The following STON2 variants were observed in gnomAD, a reference collection of about 807,000 sequenced individuals.
STON2 encodes the protein stonin-2.
A neutral mutation model predicts 65.7 loss-of-function variants in STON2; 29 were observed. The observed-to-expected ratio is 0.44, with a 90% CI of 0.33 to 0.60. The LOEUF is 0.60. Ranked by LOEUF, STON2 falls within the 20% of genes least tolerant of loss-of-function variation. STON2 has a pLI of 0.03. For missense variants in STON2, 1,054 were observed against 1,118.1 expected (o/e 0.94, Z 0.82); for synonymous variants, 404 against 414.2 (o/e 0.98, Z 0.30).
intron 2 of STON2, among the ~76,000 whole-genome samples, chr14:81,408,640 A>T (rs1225720793): frequency 6.6e-6 from 1 of 152,228 alleles, no homozygotes; most frequent in Non-Finnish European, 1.5e-5. Flanking sequence ...GGTTATAATT[A>T]CAAAATACTC....
In STON2 at chr14:81,266,967, T is replaced by G; in HGVS notation, c.*1447A>C. The stretch of plus-strand genomic sequence containing the variant: ...TTAGTTCAGATATTTCAAAATACTG[T>G]AACTATTTCTATATCCCAGTGTCAA... On this transcript the variant is annotated 3_prime_UTR_variant, in exon 8 of 8. Coordinates refer to ENST00000614646, the MANE Select transcript of STON2 (RefSeq NM_001394390.1). The G allele has an allele frequency of 1.0e-6, 1 of 984,916 alleles. No homozygotes were observed. The highest frequency in any genetic ancestry group is 1.7e-5 in the African/African-American group (1 of 57,346). The allele number at this position is 984,916 out of a possible 1,614,324, so 61.0% of individuals were successfully genotyped here.
chr14:81,324,065 T>C lies in STON2; in HGVS notation c.694A>G (p.Arg232Gly), dbSNP rs1488872103. 1.3e-5 allele frequency among the ~76,000 whole-genome samples: 2 copies of C among 152,218 alleles called. No homozygotes were observed. Among genetic ancestry groups the C allele is most frequent in the Non-Finnish European group, 2.9e-5 (2 of 68,032 alleles). Residue 232 changes from arginine (R) to glycine (G), a missense_variant, in exon 5 of 8, where the codon AGG (arginine) becomes GGG (glycine). Coordinates refer to ENST00000614646, the MANE Select transcript of STON2 (RefSeq NM_001394390.1). ...GGACCCTCGCCGGGGTTCTGGCTCC[T>C]CTTGGGCTGGGGTGAGGGTGGCGAG... ...DPSPPSPQPK[R>G]SQNPGEGPEG...
At chr14:81,380,541 T>C (rs938467555) in intron 3 of STON2, among the ~76,000 whole-genome samples, 1 of 152,298 alleles carries the variant, frequency 6.6e-6, no homozygotes, top group South Asian at 2.1e-4. Context: ...CTTGCAGCAC[T>C]ATTCACAATA....
At chr14:81,422,772 G>A (rs890394876) in intron 2 of STON2, among the ~76,000 whole-genome samples, 9 of 152,168 alleles carry the variant, frequency 5.9e-5, no homozygotes, top group African/African-American at 1.9e-4. Context: ...GGTGGCTCAC[G>A]CCTGTAATCG....
intron 2 of STON2, among the ~76,000 whole-genome samples, chr14:81,405,434 T>C (rs919910934): frequency 6.7e-6 from 1 of 149,426 alleles, no homozygotes. Context: ...ATCCAACCTC[T>C]AGACCATTTG....
chr14:81,322,462 C>T (rs960316073), intron 5 of STON2, among the ~76,000 whole-genome samples: 6 of 152,132 alleles, frequency 3.9e-5, no homozygotes, highest in African/African-American at 1.2e-4. Context: ...AAATAAGTGG[C>T]ATTCTTGGAT....
intron 5 of STON2, among the ~76,000 whole-genome samples, chr14:81,306,212 T>C (rs375467148): frequency 7.6e-6 from 1 of 131,768 alleles, no homozygotes; most frequent in African/African-American, 2.8e-5. Flanking sequence ...TACACACACA[T>C]ACATACTCTT....
At chr14:81,401,092 GA>G (rs1422758377), upstream of STON2, among the ~76,000 whole-genome samples, 1 of 152,188 alleles carries the variant, frequency 6.6e-6, no homozygotes, top group Admixed American at 6.5e-5. Flanking sequence ...CTTGTTCGTA[GA>G]AGTCTTGGGA....
At chr14:81,357,443 C>T (rs920550929) in intron 4 of STON2, among the ~76,000 whole-genome samples, 3 of 151,652 alleles carry the variant, frequency 2.0e-5, no homozygotes, top group Non-Finnish European at 4.4e-5. Flanking sequence ...CACTTTTACA[C>T]TGTTGGTGGG....
At chr14:81,387,950 T>G (rs1294888807) in intron 3 of STON2, among the ~76,000 whole-genome samples, 2 of 80,106 alleles carry the variant, frequency 2.5e-5, no homozygotes, top group Non-Finnish European at 4.2e-5. Context: ...ATTTCTTTTC[T>G]TTTTTTTTTT....
chr14:81,356,666 A>G (rs1898248103), intron 4 of STON2, among the ~76,000 whole-genome samples: 1 of 152,112 alleles, frequency 6.6e-6, no homozygotes, highest in South Asian at 2.1e-4. Context: ...TAAGCTATTG[A>G]TTATTGCCAC....
At position 81,264,662 on chromosome 14, in the gene STON2, A is replaced by G; in HGVS notation, c.*3752T>C. 1.0e-6 allele frequency: 1 copy of G among 985,104 alleles called. No individual in the cohort carries two copies. The highest frequency in any genetic ancestry group is 1.2e-6 in the Non-Finnish European group (1 of 829,592). 61.0% of individuals were successfully genotyped at this position (985,104 alleles called of 1,614,324 possible). ...AAATCAGTCTCATTTCAAATAAAAA[A>G]TATTTTAAATCAAACAATGTTCTCA... On this transcript the variant is annotated 3_prime_UTR_variant, in exon 8 of 8. Transcript: ENST00000614646.
intron 5 of STON2, among the ~76,000 whole-genome samples, chr14:81,279,413 G>C (rs964724374): frequency 6.6e-6 from 1 of 152,058 alleles, no homozygotes; most frequent in Non-Finnish European, 1.5e-5. Context: ...AAAAATGGCC[G>C]GGCACAGTGG....
chr14:81,310,861 C>G (rs924258205), intron 5 of STON2, among the ~76,000 whole-genome samples: 4 of 152,124 alleles, frequency 2.6e-5, no homozygotes, highest in African/African-American at 9.7e-5. Context: ...GATATTTGAC[C>G]TTTGACTTTT....
At chr14:81,367,723 G>C (rs899149999) in intron 4 of STON2, among the ~76,000 whole-genome samples, 5 of 152,162 alleles carry the variant, frequency 3.3e-5, no homozygotes, top group African/African-American at 1.2e-4. Flanking sequence ...ATGGCCTGCG[G>C]AGCTGCTCTC....
intron 1 of STON2, among the ~76,000 whole-genome samples, chr14:81,398,782 C>T (rs1900460357): frequency 6.6e-6 from 1 of 152,222 alleles, no homozygotes; most frequent in East Asian, 1.9e-4. Context: ...CTAGATAAGC[C>T]TTCATATCAC....
At chr14:81,324,514 G>A (rs770268292) in intron 4 of STON2, among the ~76,000 whole-genome samples, 22 of 152,254 alleles carry the variant, frequency 1.4e-4, no homozygotes, top group Non-Finnish European at 2.4e-4. Flanking sequence ...CCGAGTTAGA[G>A]TGTTAACACT....
chr14:81,379,497 T>C (rs2140390395), intron 3 of STON2, among the ~76,000 whole-genome samples: 3 of 152,268 alleles, frequency 2.0e-5, no homozygotes, highest in Admixed American at 2.0e-4. Flanking sequence ...CCCAAACTGG[T>C]TTATAAATTT....
intron 4 of STON2, among the ~76,000 whole-genome samples, chr14:81,331,685 G>C (rs907952985): frequency 6.6e-6 from 1 of 152,220 alleles, no homozygotes. Context: ...AGAGGAAAAA[G>C]AGACCTATGT....
Sources: allele counts gnomAD v4.1 joint callset (sites outside exome capture counted in the v4.1 genomes callset), GRCh38; gene constraint gnomAD v4.1.1; transcripts MANE v1.5; gene names NCBI Gene and HGNC (gene_info 2026-07-23, HGNC 2026-07-21).